ARHGAP10: variants seen among roughly 807,000 people sequenced by gnomAD.
ARHGAP10 encodes rho GTPase-activating protein 10.
Under a neutral mutation model 108.6 loss-of-function variants are expected in ARHGAP10, and 87 were observed. The ratio of observed to expected loss-of-function variants is 0.80; its 90% CI spans 0.67 to 0.96. ARHGAP10 has a LOEUF of 0.96. Ranked by LOEUF, ARHGAP10 falls within the 40% of genes least tolerant of loss-of-function variation. ARHGAP10 has a pLI of 0.00. For missense variants in ARHGAP10, 939 were observed against 954.5 expected, an observed-to-expected ratio of 0.98 and a Z score of 0.21; for synonymous variants, 347 against 341.1, an observed-to-expected ratio of 1.02 and a Z score of -0.19.
At chr4:148,024,599 A>T (rs1741695224) in intron 19 of ARHGAP10, among the ~76,000 whole-genome samples, 1 of 152,268 alleles carries the variant, frequency 6.6e-6, no homozygotes, top group South Asian at 2.1e-4. Flanking sequence ...GTAGGTACAT[A>T]TGATACAAAT....
intron 15 of ARHGAP10, among the ~76,000 whole-genome samples, chr4:147,948,371 A>G (rs1256479645): frequency 6.6e-6 from 1 of 152,144 alleles, no homozygotes; most frequent in African/African-American, 2.4e-5. Flanking sequence ...CATTCAGTCC[A>G]TGTTCAATTT....
intron 18 of ARHGAP10, among the ~76,000 whole-genome samples, chr4:147,981,195 G>A (rs1393957461): frequency 2.6e-5 from 4 of 152,116 alleles, no homozygotes; most frequent in Non-Finnish European, 5.9e-5. Flanking sequence ...TAGGTGTTTT[G>A]TGCAGTAAAC....
At chr4:147,746,024 G>A (rs1422287307) in intron 1 of ARHGAP10, among the ~76,000 whole-genome samples, 3 of 146,216 alleles carry the variant, frequency 2.1e-5, no homozygotes, top group Admixed American at 6.8e-5. Context: ...TCCTGACCTC[G>A]TGATCTTCCC....
chr4:147,763,893 T>G (rs999734313), intron 1 of ARHGAP10, among the ~76,000 whole-genome samples: 5 of 152,118 alleles, frequency 3.3e-5, no homozygotes, highest in African/African-American at 9.7e-5. Flanking sequence ...TAGCTGGGAT[T>G]ACAGGCGTAC....
At chr4:148,030,456 C>T (rs757437322) in intron 19 of ARHGAP10, among the ~76,000 whole-genome samples, 3 of 152,136 alleles carry the variant, frequency 2.0e-5, no homozygotes, top group Admixed American at 6.5e-5. Context: ...TGATTTGAAA[C>T]GTTTTCTTTG....
chr4:148,002,562 A>C (rs1202027238), intron 18 of ARHGAP10, among the ~76,000 whole-genome samples: 2 of 152,132 alleles, frequency 1.3e-5, no homozygotes, highest in Non-Finnish European at 2.9e-5. Flanking sequence ...TTTGGTTGGT[A>C]GGCTATTAAT....
chr4:147,870,000 G>GTC (rs1560800875), intron 7 of ARHGAP10, among the ~76,000 whole-genome samples: 4,872 of 134,598 alleles, frequency 0.036, 368 homozygotes, highest in African/African-American at 0.13. Context: ...GTCCCAGTTT[G>GTC]TGTGTGTGTG....
intron 1 of ARHGAP10, among the ~76,000 whole-genome samples, chr4:147,793,372 A>G (rs1731198825): frequency 6.6e-6 from 1 of 151,592 alleles, no homozygotes; most frequent in Admixed American, 6.6e-5. Context: ...TGGAAAGAAT[A>G]CCCAGGATGT....
At chr4:148,071,886 G>A (rs1015488902) in intron 22 of ARHGAP10, 107 bp from the exon 23 acceptor site, 52 of 837,874 alleles carry the variant, frequency 6.2e-5, no homozygotes, top group Non-Finnish European at 1.7e-5. Context: ...TCCCAGAAGT[G>A]GCCCCTGTTC....
At chr4:147,812,346 G>C (rs1053725779) in intron 1 of ARHGAP10, among the ~76,000 whole-genome samples, 5 of 152,142 alleles carry the variant, frequency 3.3e-5, no homozygotes, top group Non-Finnish European at 5.9e-5. Context: ...GCCCGTGTCA[G>C]TATGCTCTAG....
In ARHGAP10 at chr4:147,821,185, G is replaced by A. The variant is rs539825550; in HGVS notation, c.155-1542G>A. ...GAAGGACTGAGGGTTCCATGAGAGT[G>A]GAGCAGAGGTGTGTAACATTCCTTG... On this transcript the variant is annotated intron_variant, in intron 1 of 22. Transcript: ENST00000336498. Among the ~76,000 whole-genome samples the A allele has an allele frequency of 3.9e-5, 6 of 152,260 alleles. No individual in the cohort carries two copies. The South Asian group carries it at 1.2e-3, about 32-fold the overall frequency.
intron 18 of ARHGAP10, among the ~76,000 whole-genome samples, chr4:147,972,847 C>T (rs553600074): frequency 1.4e-4 from 21 of 152,038 alleles, no homozygotes; most frequent in African/African-American, 4.1e-4. Context: ...CTCTGCCTAC[C>T]GGGTCCAAGT....
chr4:147,788,920 A>T (rs1354924759), intron 1 of ARHGAP10, among the ~76,000 whole-genome samples: 3 of 152,224 alleles, frequency 2.0e-5, no homozygotes, highest in African/African-American at 4.8e-5. Context: ...TTTGGTTGAA[A>T]CATCAGTTAA....
At chr4:147,991,789 G>A (rs1560863042) in intron 18 of ARHGAP10, among the ~76,000 whole-genome samples, 1 of 152,336 alleles carries the variant, frequency 6.6e-6, no homozygotes, top group East Asian at 1.9e-4. Context: ...GCTCAGGCCT[G>A]CTGTGTTTAC....
chr4:147,810,337 T>C (rs972735570), intron 1 of ARHGAP10, among the ~76,000 whole-genome samples: 1 of 152,238 alleles, frequency 6.6e-6, no homozygotes, highest in Non-Finnish European at 1.5e-5. Context: ...ATTTTGTGAA[T>C]TGCATTCATT....
intron 15 of ARHGAP10, among the ~76,000 whole-genome samples, chr4:147,953,507 C>G (rs1403171816): frequency 6.6e-6 from 1 of 151,950 alleles, no homozygotes; most frequent in African/African-American, 2.4e-5. Flanking sequence ...AGACATTTGT[C>G]CATTTCATCT....
At chr4:147,986,786 A>T (rs1740060199) in intron 18 of ARHGAP10, among the ~76,000 whole-genome samples, 1 of 152,240 alleles carries the variant, frequency 6.6e-6, no homozygotes, top group South Asian at 2.1e-4. Context: ...GGTAGACATT[A>T]CTTTCATCCC....
chr4:148,017,414 C>G (rs1741387868), intron 18 of ARHGAP10, among the ~76,000 whole-genome samples: 1 of 151,978 alleles, frequency 6.6e-6, no homozygotes, highest in Non-Finnish European at 1.5e-5. Context: ...ACAAGTAAAA[C>G]TATGTTTACC....
chr4:148,069,160 A>G (rs948545202), intron 22 of ARHGAP10, among the ~76,000 whole-genome samples: 3 of 152,070 alleles, frequency 2.0e-5, no homozygotes, highest in Admixed American at 6.6e-5. Context: ...CTACTGAGAG[A>G]GGTCAGATCT....
Sources: gnomAD v4.1 joint callset for allele counts (sites outside exome capture counted in the v4.1 genomes callset) on GRCh38, gnomAD v4.1.1 for gene constraint, MANE v1.5 for transcripts, NCBI Gene and HGNC (gene_info 2026-07-23, HGNC 2026-07-21) for gene names.